The following NCOA2 variants were observed in gnomAD, a reference collection of about 807,000 sequenced individuals.
NCOA2 encodes nuclear receptor coactivator 2.
A neutral mutation model predicts 145.1 loss-of-function variants in NCOA2; 21 were observed. That is an observed-to-expected ratio of 0.14 (90% CI 0.10 to 0.21). NCOA2 has a LOEUF of 0.21. NCOA2 is among the 10% of genes least tolerant of loss of function. The pLI is 1.00. For synonymous variants in NCOA2, 619 were observed against 637.5 expected, an observed-to-expected ratio of 0.97 and a Z score of 0.44; for missense variants, 1,472 against 1,837.6, an observed-to-expected ratio of 0.80 and a Z score of 3.64.
At chr8:70,241,503 G>A (rs1822124472) in intron 2 of NCOA2, among the ~76,000 whole-genome samples, 1 of 152,038 alleles carries the variant, frequency 6.6e-6, no homozygotes, top group Non-Finnish European at 1.5e-5. Context: ...TGAAACAGAA[G>A]TTCACTAAAG....
At chr8:70,408,775 CT>C (rs34645469), upstream of NCOA2, among the ~76,000 whole-genome samples, 564 of 126,206 alleles carry the variant, frequency 4.5e-3, no homozygotes, top group African/African-American at 0.011. Flanking sequence ...CCACACCCAG[CT>C]TTTTTTTTTT....
the NCOA2 span, among the ~76,000 whole-genome samples, chr8:70,429,922 G>T: frequency 6.6e-6 from 1 of 152,136 alleles, no homozygotes; most frequent in African/African-American, 2.4e-5. Context: ...GCCCAGGCTG[G>T]AGTGCCATGG....
chr8:70,335,076 T>C (rs970345730), intron 1 of NCOA2, among the ~76,000 whole-genome samples: 2 of 132,556 alleles, frequency 1.5e-5, no homozygotes, highest in Non-Finnish European at 3.0e-5. Context: ...TGAGCTGAGA[T>C]TGTGCCACTG....
At chr8:70,283,696 T>C (rs1385042023) in intron 2 of NCOA2, among the ~76,000 whole-genome samples, 1 of 152,224 alleles carries the variant, frequency 6.6e-6, no homozygotes, top group Non-Finnish European at 1.5e-5. Context: ...TAATACAAGA[T>C]AAGTGTCCCT....
chr8:70,317,604 CT>C (rs969333971), intron 1 of NCOA2, among the ~76,000 whole-genome samples: 1 of 152,154 alleles, frequency 6.6e-6, no homozygotes, highest in Non-Finnish European at 1.5e-5. Flanking sequence ...CTACAAAATA[CT>C]GGCAAAAATG....
At chr8:70,227,169 G>A (rs1820722348) in intron 2 of NCOA2, among the ~76,000 whole-genome samples, 1 of 152,182 alleles carries the variant, frequency 6.6e-6, no homozygotes, top group South Asian at 2.1e-4. Context: ...CCACTCGAGT[G>A]TCTCTGTCAG....
intron 3 of NCOA2, among the ~76,000 whole-genome samples, chr8:70,214,409 A>G (rs1268292488): frequency 6.6e-6 from 1 of 152,228 alleles, no homozygotes; most frequent in Non-Finnish European, 1.5e-5. Flanking sequence ...CAAATAAAAG[A>G]ATGTTTCAAA....
chr8:70,122,449 G>A (rs1055226640), intron 21 of NCOA2, among the ~76,000 whole-genome samples: 2 of 150,846 alleles, frequency 1.3e-5, no homozygotes, highest in Non-Finnish European at 2.9e-5. Flanking sequence ...CAGAGACAGA[G>A]TCTTACTATG....
rs939059932 is a variant in NCOA2 at position 70,376,715 on chromosome 8, T to C, written c.-77+26985A>G. Among the ~76,000 whole-genome samples the C allele has an allele frequency of 4.6e-5, 7 of 152,340 alleles. No individual in the cohort carries two copies. The South Asian group carries it at 8.3e-4, about 18-fold the overall frequency. ...ATAGACCAACAAAATTCAATTTTCA[T>C]AGACAGGCAAAATCTACTGGGCTTA... is the stretch of plus-strand genomic sequence containing the variant. On this transcript the variant is annotated intron_variant, in intron 1 of 22. Coordinates refer to ENST00000452400, the MANE Select transcript of NCOA2 (RefSeq NM_006540.4).
At chr8:70,200,641 C>T (rs1285457496) in intron 4 of NCOA2, among the ~76,000 whole-genome samples, 1 of 152,130 alleles carries the variant, frequency 6.6e-6, no homozygotes, top group Non-Finnish European at 1.5e-5. Flanking sequence ...AGCTTAAGGA[C>T]ATTACACTAA....
intron 2 of NCOA2, among the ~76,000 whole-genome samples, chr8:70,266,449 TGTA>T (rs2135185564): frequency 6.6e-6 from 1 of 152,348 alleles, no homozygotes; most frequent in South Asian, 2.1e-4. Context: ...TAATCTAGCA[TGTA>T]AAGGTCTTTA....
intron 2 of NCOA2, among the ~76,000 whole-genome samples, chr8:70,249,963 C>CAGAAA (rs1822983517): frequency 1.3e-5 from 1 of 75,244 alleles, no homozygotes; most frequent in Non-Finnish European, 2.4e-5. Flanking sequence ...AATCTGCCTC[C>CAGAAA]AAAAAAAAAA....
intron 1 of NCOA2, among the ~76,000 whole-genome samples, chr8:70,335,944 G>C (rs1292313447): frequency 6.6e-6 from 1 of 152,080 alleles, no homozygotes; most frequent in Non-Finnish European, 1.5e-5. Context: ...TATAAACAAA[G>C]AAAAGACACA....
At chr8:70,303,500 G>A (rs1046241002) in intron 1 of NCOA2, among the ~76,000 whole-genome samples, 2 of 152,174 alleles carry the variant, frequency 1.3e-5, no homozygotes, top group African/African-American at 4.8e-5. Flanking sequence ...AGTTTCAATG[G>A]AGAGATAAAG....
chr8:70,206,881 T>C (rs1439028913), intron 4 of NCOA2, among the ~76,000 whole-genome samples: 1 of 152,182 alleles, frequency 6.6e-6, no homozygotes, highest in Non-Finnish European at 1.5e-5. Context: ...AAATCTTACT[T>C]TTACAGCAAG....
At chr8:70,288,640 A>G (rs1418315915) in intron 2 of NCOA2, among the ~76,000 whole-genome samples, 1 of 152,120 alleles carries the variant, frequency 6.6e-6, no homozygotes, top group Non-Finnish European at 1.5e-5. Context: ...ATAGATAAAC[A>G]CAGGGCACAC....
At chr8:70,246,780 G>A (rs1822663197) in intron 2 of NCOA2, among the ~76,000 whole-genome samples, 1 of 152,010 alleles carries the variant, frequency 6.6e-6, no homozygotes, top group African/African-American at 2.4e-5. Context: ...TTTGAGTACT[G>A]TAGATACCTC....
intron 1 of NCOA2, among the ~76,000 whole-genome samples, chr8:70,398,445 A>G (rs1489112470): frequency 6.6e-6 from 1 of 152,188 alleles, no homozygotes; most frequent in Non-Finnish European, 1.5e-5. Context: ...TGGATGACAG[A>G]GCGAGACCAT....
At chr8:70,321,115 T>G (rs1806016060) in intron 1 of NCOA2, among the ~76,000 whole-genome samples, 4 of 152,310 alleles carry the variant, frequency 2.6e-5, no homozygotes, top group Non-Finnish European at 2.9e-5. Context: ...GATTTTCTTC[T>G]AGGCCCCTGG....
Sources: gnomAD v4.1 joint callset for allele counts (sites outside exome capture counted in the v4.1 genomes callset) on GRCh38, gnomAD v4.1.1 for gene constraint, MANE v1.5 for transcripts, NCBI Gene and HGNC (gene_info 2026-07-23, HGNC 2026-07-21) for gene names.